Variants in ALDH4A1 observed in about 807,000 individuals in gnomAD.
ALDH4A1 encodes the protein delta-1-pyrroline-5-carboxylate dehydrogenase, mitochondrial.
Under a neutral mutation model 70.5 loss-of-function variants are expected in ALDH4A1, and 46 were observed. The observed-to-expected ratio is 0.65, with a 90% CI of 0.51 to 0.83. ALDH4A1 has a LOEUF of 0.83. Among genes scored for constraint, ALDH4A1 ranks in the 40% least tolerant of loss-of-function variants. ALDH4A1 has a pLI of 0.00. For synonymous variants in ALDH4A1, 323 were observed against 324.3 expected (o/e 1.00, Z 0.04); for missense variants, 749 against 766.5 (o/e 0.98, Z 0.27).
intron 1 of ALDH4A1, among the ~76,000 whole-genome samples, chr1:18,901,359 T>TTAACTCAGAAAGGGCACAGCTCA (rs1366910122): frequency 1.3e-5 from 2 of 152,134 alleles, no homozygotes; most frequent in African/African-American, 4.8e-5. Context: ...GGGCCACTGA[T>TTAACTCAGAAAGGGCACAGCTCA]TAACTCAGAA....
chr1:18,885,041 G>C (rs1935137253), intron 5 of ALDH4A1, among the ~76,000 whole-genome samples: 1 of 152,172 alleles, frequency 6.6e-6, no homozygotes, highest in Non-Finnish European at 1.5e-5. Flanking sequence ...TGGGTATGGG[G>C]CTCAGGTCTT....
Position 18,872,774 on chromosome 1 carries a change from G to T in ALDH4A1, c.*71C>A. 1 of 1,152,868 alleles carries T rather than the reference G, an allele frequency of 8.7e-7. No individual in the cohort carries two copies. The highest frequency in any genetic ancestry group is 1.3e-6 in the Non-Finnish European group (1 of 775,374). 71.4% of individuals were successfully genotyped at this position (1,152,868 alleles called of 1,614,324 possible). On this transcript the variant is annotated 3_prime_UTR_variant, in exon 15 of 15. Coordinates refer to ENST00000375341, the MANE Select transcript of ALDH4A1 (RefSeq NM_003748.4). The stretch of plus-strand genomic sequence containing the variant: ...GCATGAAGAAGGGGTGGAGGGGCTG[G>T]AGTGGGGTCTGTGCAGTGAGGTCGG...
intron 5 of ALDH4A1, 46 bp downstream of exon 5, chr1:18,885,427 T>TCCCCCCCCCCCCCCCCCC: frequency 1.4e-5 from 9 of 650,916 alleles, no homozygotes; most frequent in East Asian, 3.2e-5. Context: ...CACACCTGAC[T>TCCCCCCCCCCCCCCCCCC]CCCACCCCAC....
At chr1:18,897,373 T>C (rs564762183) in intron 1 of ALDH4A1, among the ~76,000 whole-genome samples, 4 of 152,250 alleles carry the variant, frequency 2.6e-5, no homozygotes, top group Admixed American at 2.6e-4. Flanking sequence ...CAAAACCCCA[T>C]CTCTACTAAA....
At chr1:18,895,951 A>T (rs879329716) in intron 1 of ALDH4A1, among the ~76,000 whole-genome samples, 3 of 152,160 alleles carry the variant, frequency 2.0e-5, no homozygotes, top group Non-Finnish European at 2.9e-5. Context: ...CATTTCTTCT[A>T]AAATAAAGAC....
chr1:18,890,805 G>C lies in ALDH4A1; in HGVS notation c.63-700C>G, dbSNP rs117819513. The C allele has an allele frequency of 7.9e-3, 7,757 of 985,074 alleles. 79 individuals carry two copies. The highest frequency in any genetic ancestry group is 0.066 in the East Asian group (579 of 8,820). The allele number at this position is 985,074 out of a possible 1,614,324, so 61.0% of individuals were successfully genotyped here. ...CACAAGGCAGGCTTTATCCCAAAAA[G>C]ACCCAAACTCCTCTCTCTAAGCTGA... On this transcript the variant is annotated intron_variant, in intron 1 of 14. Transcript: ENST00000375341.
rs1247178560 is a variant in ALDH4A1, at chr1:18,898,460, C to T, written c.62+4002G>A. 2.0e-5 allele frequency among the ~76,000 whole-genome samples: 3 copies of T among 152,220 alleles called. No homozygotes were observed. The highest frequency in any genetic ancestry group is 4.4e-5 in the Non-Finnish European group (3 of 68,046). ...CCTGCCACCATCCTTCACTGCTGGGCCCTGCTGTCTTGATATTCCTGATCG... is the reference window on the plus strand; with the variant it reads ...CCTGCCACCATCCTTCACTGCTGGGTCCTGCTGTCTTGATATTCCTGATCG... On this transcript the variant is annotated intron_variant, in intron 1 of 14. Coordinates refer to ENST00000375341, the MANE Select transcript of ALDH4A1 (RefSeq NM_003748.4). This position sits in a 1 kb window ranked among gnomAD's most constrained non-coding sequence, Gnocchi z 4.3.
rs2100546919 is a variant in ALDH4A1, at chr1:18,872,926, G to A, written c.1611C>T (p.Tyr537=). 1 of 1,614,108 alleles carries A rather than the reference G, an allele frequency of 6.2e-7. No homozygotes were observed. The highest frequency in any genetic ancestry group is 8.5e-7 in the Non-Finnish European group (1 of 1,180,018). The stretch of plus-strand genomic sequence containing the variant: ...CCTGCGGCGACGTCCAGCGCAGGAT[G>A]TAGTGTGGGCCCCCTGGCTTGTCAT... The part of the protein sequence containing the change: ...GTNDKPGGPH[Y]ILRWTSPQVI... The change falls in exon 15 of 15, where the codon TAC becomes TAT. Residue 537 remains tyrosine, a synonymous_variant. Transcript: ENST00000375341.
In ALDH4A1 at chr1:18,898,834, G is replaced by A. The variant is rs1935707287; in HGVS notation, c.62+3628C>T. The stretch of plus-strand genomic sequence containing the variant: ...GGCACAGGAGGCAGGCTGCTCCCAG[G>A]GGTGCCACTGCCAAGCACTGCCTCA... On this transcript the variant is annotated intron_variant, in intron 1 of 14. Coordinates refer to ENST00000375341, the MANE Select transcript of ALDH4A1 (RefSeq NM_003748.4). The surrounding 1 kb of genome is among the most constrained non-coding windows in gnomAD (Gnocchi z 4.3). Among the ~76,000 whole-genome samples the A allele has an allele frequency of 6.6e-6, 1 of 152,194 alleles. No individual in the cohort carries two copies. Among genetic ancestry groups the A allele is most frequent in the Non-Finnish European group, 1.5e-5 (1 of 68,026 alleles).
chr1:18,877,338 G>T (rs779778218), intron 10 of ALDH4A1, 78 bp downstream of exon 10: 1 of 1,554,502 alleles, frequency 6.4e-7, no homozygotes, highest in South Asian at 1.2e-5. Context: ...CCCCAGCCCC[G>T]GCTGCAGAGG....
chr1:18,880,505 T>TA lies in ALDH4A1; in HGVS notation c.867-1133dup, dbSNP rs1934927086. ...CCATCTCTCCCCTGGTTCAAGCCCC[T>TA]ACCACCCCTCCCTGGAGGTCAACAG... On this transcript the variant is annotated intron_variant, in intron 8 of 14. Transcript: ENST00000375341. This position sits in a 1 kb window ranked among gnomAD's most constrained non-coding sequence, Gnocchi z 5.1. Among the ~76,000 whole-genome samples, 2 of 151,136 alleles carry TA rather than the reference T, an allele frequency of 1.3e-5. No individual in the cohort carries two copies. Among genetic ancestry groups the TA allele is most frequent in the Admixed American group, 1.3e-4 (2 of 15,208 alleles).
chr1:18,895,124 A>G (rs1381355448), intron 1 of ALDH4A1, among the ~76,000 whole-genome samples: 1 of 152,178 alleles, frequency 6.6e-6, no homozygotes, highest in Non-Finnish European at 1.5e-5. Context: ...ATTATTCAGC[A>G]TGCGTTTTCC....
At chr1:18,877,131 C>T in intron 11 of ALDH4A1, 77 bp downstream of exon 11, 8 of 1,543,804 alleles carry the variant, frequency 5.2e-6, no homozygotes, top group South Asian at 1.2e-5. Context: ...GGTCAGGGTA[C>T]CCTGTATCTC....
At chr1:18,882,698 T>TG (rs1935029759) in intron 7 of ALDH4A1, 2 of 554,872 alleles carry the variant, frequency 3.6e-6, no homozygotes. Flanking sequence ...AATGAGATCA[T>TG]CTCCATGCCG....
chr1:18,889,487 C>T (rs775251544), intron 2 of ALDH4A1, 33 bp from the exon 3 acceptor site: 10 of 1,523,868 alleles, frequency 6.6e-6, no homozygotes, highest in East Asian at 2.5e-5. Context: ...GTATGGTCAC[C>T]GCCTTCCTCG....
chr1:18,901,282 C>T (rs1935788803), intron 1 of ALDH4A1, among the ~76,000 whole-genome samples: 1 of 152,214 alleles, frequency 6.6e-6, no homozygotes, highest in South Asian at 2.1e-4. Flanking sequence ...CCACAGAGGA[C>T]ACACAGCAGT....
chr1:18,874,197 C>A (rs568096340), intron 14 of ALDH4A1, among the ~76,000 whole-genome samples: 32 of 152,340 alleles, frequency 2.1e-4, no homozygotes, highest in African/African-American at 7.5e-4. Context: ...GGCTATGGTG[C>A]AGAAAGTGCG....
At chr1:18,897,272 G>C (rs1935653052) in intron 1 of ALDH4A1, 1 of 343,534 alleles carries the variant, frequency 2.9e-6, no homozygotes. Flanking sequence ...GCCAGGCGCA[G>C]TGGCTCATGC....
chr1:18,875,800 C>T (rs1226039526), intron 12 of ALDH4A1, among the ~76,000 whole-genome samples: 1 of 152,192 alleles, frequency 6.6e-6, no homozygotes, highest in Admixed American at 6.5e-5. Flanking sequence ...CAGAGGCTTC[C>T]AGCAGCAGCT....
Sources: gnomAD v4.1 joint callset for allele counts (sites outside exome capture counted in the v4.1 genomes callset) on GRCh38, gnomAD v4.1.1 for gene constraint, Gnocchi (gnomAD v3.1) non-coding constraint, MANE v1.5 for transcripts, NCBI Gene and HGNC (gene_info 2026-07-23, HGNC 2026-07-21) for gene names.